AK8: variants seen among roughly 807,000 people sequenced by gnomAD.
AK8 encodes ATP-AMP transphosphorylase 8.
In AK8, 44 loss-of-function variants were observed where a neutral mutation model predicts 54.6. That is an observed-to-expected ratio of 0.81 (90% CI 0.63 to 1.04). AK8 has a LOEUF of 1.04. AK8 is among the 50% of genes least tolerant of loss of function. The pLI is 0.00. For synonymous variants in AK8, 239 were observed against 245.6 expected, an observed-to-expected ratio of 0.97 and a Z score of 0.25; for missense variants, 555 against 613.6, an observed-to-expected ratio of 0.90 and a Z score of 1.01.
chr9:132,726,038 T>TCACCAG (rs1836551554), intron 12 of AK8, 113 bp from the exon 13 acceptor site: 3 of 836,938 alleles, frequency 3.6e-6, no homozygotes, highest in Non-Finnish European at 3.9e-6. Flanking sequence ...ACCACCACCA[T>TCACCAG]CACCAGCCAT....
chr9:132,859,755 G>A (rs545768923), intron 4 of AK8, among the ~76,000 whole-genome samples: 16 of 152,032 alleles, frequency 1.1e-4, no homozygotes, highest in African/African-American at 3.4e-4. Context: ...GAAAGCAGAT[G>A]AAGGAAAAAA....
chr9:132,800,016 G>A (rs1840367901), intron 10 of AK8, among the ~76,000 whole-genome samples: 2 of 152,210 alleles, frequency 1.3e-5, no homozygotes, highest in African/African-American at 4.8e-5. Context: ...TTTTGGTTTT[G>A]TTTTTTAATT....
intron 5 of AK8, among the ~76,000 whole-genome samples, chr9:132,832,959 C>G (rs1000423956): frequency 2.0e-5 from 3 of 152,180 alleles, no homozygotes; most frequent in African/African-American, 7.2e-5. Flanking sequence ...GGTACGATCA[C>G]CTGGGGACTA....
At chr9:132,777,578 C>T (rs1404971450) in intron 11 of AK8, among the ~76,000 whole-genome samples, 3 of 152,228 alleles carry the variant, frequency 2.0e-5, no homozygotes, top group South Asian at 4.1e-4. Flanking sequence ...TCATCATTCC[C>T]ACCCATACAT....
intron 5 of AK8, among the ~76,000 whole-genome samples, chr9:132,839,822 G>GA (rs113633383): frequency 7.0e-6 from 1 of 143,402 alleles, no homozygotes; most frequent in Admixed American, 7.0e-5. Flanking sequence ...TTTTTTGCCG[G>GA]GGGGGGGGGC....
intron 11 of AK8, among the ~76,000 whole-genome samples, chr9:132,753,270 G>A (rs1838034726): frequency 6.6e-6 from 1 of 152,176 alleles, no homozygotes; most frequent in Admixed American, 6.5e-5. Context: ...TCATCTTGCC[G>A]CTCCACTGCC....
At chr9:132,823,762 C>T (rs1397309863) in intron 8 of AK8, among the ~76,000 whole-genome samples, 1 of 152,268 alleles carries the variant, frequency 6.6e-6, no homozygotes, top group Non-Finnish European at 1.5e-5. Flanking sequence ...CTAGGCTGGT[C>T]TCCTAGAAGT....
Position 132,843,742 on chromosome 9 carries a change from C to T in AK8, c.402+11115G>A, listed in dbSNP as rs552717530. Among the ~76,000 whole-genome samples, 27 of 152,258 alleles carry T rather than the reference C, an allele frequency of 1.8e-4. 1 individual carries two copies. The South Asian group carries it at 4.8e-3, about 27-fold the overall frequency. Reference sequence around the variant, plus strand: ...GTTTAAAGTCATCCTCAGAAGGGTGCACTTTCAAGAAAGTGTGAACATCAG... The same window carrying T: ...GTTTAAAGTCATCCTCAGAAGGGTGTACTTTCAAGAAAGTGTGAACATCAG... On this transcript the variant is annotated intron_variant, in intron 5 of 12. Coordinates refer to ENST00000298545, the MANE Select transcript of AK8 (RefSeq NM_152572.3).
intron 5 of AK8, among the ~76,000 whole-genome samples, chr9:132,838,854 T>C (rs950574437): frequency 2.0e-5 from 3 of 152,130 alleles, no homozygotes; most frequent in Non-Finnish European, 4.4e-5. Context: ...TCATGCAGGT[T>C]CAATGGGAAA....
At chr9:132,850,219 A>AC (rs1842919211) in intron 5 of AK8, among the ~76,000 whole-genome samples, 1 of 102,820 alleles carries the variant, frequency 9.7e-6, no homozygotes, top group Non-Finnish European at 2.1e-5. Context: ...ATGCCCAGCT[A>AC]ATTTTTTTTT....
chr9:132,775,830 G>A (rs1040019556), intron 11 of AK8, among the ~76,000 whole-genome samples: 1 of 152,174 alleles, frequency 6.6e-6, no homozygotes, highest in Non-Finnish European at 1.5e-5. Flanking sequence ...CCATGCCTGC[G>A]GTTGCCTAGG....
At chr9:132,766,729 T>G (rs1003493099) in intron 11 of AK8, among the ~76,000 whole-genome samples, 3 of 151,998 alleles carry the variant, frequency 2.0e-5, no homozygotes, top group Non-Finnish European at 2.9e-5. Context: ...AGGCATCAAA[T>G]ATACTACAAA....
At chr9:132,733,293 C>T (rs1836941991) in intron 11 of AK8, among the ~76,000 whole-genome samples, 1 of 151,990 alleles carries the variant, frequency 6.6e-6, no homozygotes, top group East Asian at 1.9e-4. Flanking sequence ...GGCTTTCATC[C>T]CTGACGCTGT....
At chr9:132,730,885 C>T (rs1836810046) in intron 11 of AK8, among the ~76,000 whole-genome samples, 1 of 152,172 alleles carries the variant, frequency 6.6e-6, no homozygotes, top group Non-Finnish European at 1.5e-5. Context: ...GGAACCTGGC[C>T]TCGGGAAAGC....
At chr9:132,806,063 ATAAGAG>A (rs1390805151) in intron 10 of AK8, among the ~76,000 whole-genome samples, 2 of 151,642 alleles carry the variant, frequency 1.3e-5, no homozygotes, top group Admixed American at 6.6e-5. Flanking sequence ...TCCACATAGA[ATAAGAG>A]TAAATTAATG....
At chr9:132,878,713 G>A, upstream of AK8, 1 of 988,130 alleles carries the variant, frequency 1.0e-6, no homozygotes, top group Non-Finnish European at 1.2e-6. The surrounding 1 kb of genome is among the most constrained non-coding windows in gnomAD (Gnocchi z 4.7). Flanking sequence ...GGGCGTCCAT[G>A]AGATGGGCCG....
At chr9:132,756,726 C>T (rs964580522) in intron 11 of AK8, among the ~76,000 whole-genome samples, 8 of 152,120 alleles carry the variant, frequency 5.3e-5, no homozygotes, top group Admixed American at 1.3e-4. Context: ...ACCGAACGCA[C>T]GTCACCTAAT....
chr9:132,733,221 T>A (rs1255714625), intron 11 of AK8, among the ~76,000 whole-genome samples: 2 of 144,160 alleles, frequency 1.4e-5, no homozygotes, highest in Non-Finnish European at 3.1e-5. Flanking sequence ...TAACAGCCAC[T>A]AAAAAAAAAA....
chr9:132,873,023 C>G (rs141699019), intron 2 of AK8, among the ~76,000 whole-genome samples: 2,622 of 152,188 alleles, frequency 0.017, 81 homozygotes, highest in African/African-American at 0.06. Context: ...CCATGTTAGC[C>G]AGGATGTTCT....
Sources: gnomAD v4.1 joint callset for allele counts (sites outside exome capture counted in the v4.1 genomes callset) on GRCh38, gnomAD v4.1.1 for gene constraint, Gnocchi (gnomAD v3.1) non-coding constraint, MANE v1.5 for transcripts, NCBI Gene and HGNC (gene_info 2026-07-23, HGNC 2026-07-21) for gene names.